LRP5: variants seen among roughly 807,000 people sequenced by gnomAD.
The protein encoded by LRP5 is low-density lipoprotein receptor-related protein 5.
Under a neutral mutation model 154.1 loss-of-function variants are expected in LRP5, and 62 were observed. The ratio of observed to expected loss-of-function variants is 0.40; its 90% CI spans 0.33 to 0.50. The LOEUF is 0.50. Among genes scored for constraint, LRP5 ranks in the 20% least tolerant of loss-of-function variants. The pLI is 0.55. For missense variants in LRP5, 1,915 were observed against 2,336.7 expected (o/e 0.82, Z 3.72); for synonymous variants, 966 against 1,011.5 (o/e 0.96, Z 0.85).
chr11:68,336,124 CCA>C (rs1178557878), intron 1 of LRP5, among the ~76,000 whole-genome samples: 1 of 152,184 alleles, frequency 6.6e-6, no homozygotes, highest in Non-Finnish European at 1.5e-5. Context: ...ATACCATTCT[CCA>C]CCCAAAGGAG....
chr11:68,321,185 T>C (rs2098596569), intron 1 of LRP5, among the ~76,000 whole-genome samples: 1 of 151,726 alleles, frequency 6.6e-6, no homozygotes, highest in Admixed American at 6.6e-5. Flanking sequence ...CTCTTTTATG[T>C]GTAGTGTCCA....
chr11:68,441,330 G>A (rs1216292235), intron 21 of LRP5, among the ~76,000 whole-genome samples: 2 of 151,998 alleles, frequency 1.3e-5, no homozygotes, highest in Non-Finnish European at 2.9e-5. Context: ...CTCCTGCCTC[G>A]GCCTCCCCAG....
At chr11:68,348,877 G>C (rs1203839687) in intron 2 of LRP5, among the ~76,000 whole-genome samples, 1 of 151,766 alleles carries the variant, frequency 6.6e-6, no homozygotes, top group African/African-American at 2.4e-5. Flanking sequence ...CTGGGAGATC[G>C]AGGCTGCAGT....
intron 13 of LRP5, among the ~76,000 whole-genome samples, chr11:68,417,481 A>ATTT (rs2098663241): frequency 3.0e-4 from 1 of 3,344 alleles, no homozygotes; most frequent in Non-Finnish European, 7.6e-4. Flanking sequence ...TTTTTTTTTG[A>ATTT]GATGGAGTCT....
intron 7 of LRP5, among the ~76,000 whole-genome samples, chr11:68,401,136 G>A (rs937521332): frequency 6.6e-6 from 1 of 152,134 alleles, no homozygotes; most frequent in Non-Finnish European, 1.5e-5. Flanking sequence ...CCAGGGCTGG[G>A]TCCCTCCCTG....
At chr11:68,325,708 G>GC (rs1376576573) in intron 1 of LRP5, among the ~76,000 whole-genome samples, 1 of 152,174 alleles carries the variant, frequency 6.6e-6, no homozygotes, top group Non-Finnish European at 1.5e-5. Flanking sequence ...GCCCATGCAG[G>GC]CCCCCCTCAC....
chr11:68,362,358 G>A (rs939438052), intron 3 of LRP5, among the ~76,000 whole-genome samples: 13 of 152,296 alleles, frequency 8.5e-5, no homozygotes, highest in African/African-American at 2.6e-4. Flanking sequence ...ACCGCCTTGC[G>A]AATGCACTAG....
intron 1 of LRP5, among the ~76,000 whole-genome samples, chr11:68,330,087 T>G (rs933753032): frequency 6.6e-6 from 1 of 152,204 alleles, no homozygotes; most frequent in African/African-American, 2.4e-5. Flanking sequence ...GCTGGTCACA[T>G]TCCACAGTTG....
chr11:68,413,658 G>A lies in LRP5; in HGVS notation c.2504-31G>A. On this transcript the variant is annotated intron_variant, in intron 11 of 22. Coordinates refer to ENST00000294304, the MANE Select transcript of LRP5 (RefSeq NM_002335.4). This position sits in a 1 kb window ranked among gnomAD's most constrained non-coding sequence, Gnocchi z 5.1. ...TGCTCTGTGGCCTGGCTGTGCCTTT[G>A]CTGACACCGTGCCCGTGTGTGTTCA... is the stretch of plus-strand genomic sequence containing the variant. 1 of 1,602,780 alleles carries A rather than the reference G, an allele frequency of 6.2e-7. No individual in the cohort carries two copies. The highest frequency in any genetic ancestry group is 8.5e-7 in the Non-Finnish European group (1 of 1,170,566).
chr11:68,413,832 C>T lies in LRP5; in HGVS notation c.2647C>T (p.Gln883Ter). 1.9e-6 allele frequency: 3 copies of T among 1,613,788 alleles called. No individual in the cohort carries two copies. Among genetic ancestry groups the T allele is most frequent in the Non-Finnish European group, 2.5e-6 (3 of 1,180,028 alleles). ...KTSGRNRTLIQGHLDFVMDIL... is the reference protein window; with the variant it reads ...KTSGRNRTLI ...TAGCGGCCGGAACCGCACCCTCATCCAGGGCCACCTGGACTTCGTGATGGA... is the reference window on the plus strand; with the variant it reads ...TAGCGGCCGGAACCGCACCCTCATCTAGGGCCACCTGGACTTCGTGATGGA... The change falls in exon 12 of 23, where the codon CAG becomes TAG. Residue 883 changes from glutamine to a stop codon, truncating the protein, a stop_gained. Coordinates refer to ENST00000294304, the MANE Select transcript of LRP5 (RefSeq NM_002335.4). LOFTEE classifies it high-confidence loss of function. This position sits in a 1 kb window ranked among gnomAD's most constrained non-coding sequence, Gnocchi z 5.1.
intron 4 of LRP5, among the ~76,000 whole-genome samples, chr11:68,364,588 G>T (rs1451377717): frequency 6.6e-6 from 1 of 152,108 alleles, no homozygotes; most frequent in Non-Finnish European, 1.5e-5. Flanking sequence ...TGGGGGCCAC[G>T]CTGGGTTGTG....
At chr11:68,372,938 TCA>T (rs2098635111) in intron 5 of LRP5, among the ~76,000 whole-genome samples, 1 of 151,846 alleles carries the variant, frequency 6.6e-6, no homozygotes, top group African/African-American at 2.4e-5. Context: ...TCAGAATCAC[TCA>T]GACTCTTAAG....
intron 2 of LRP5, among the ~76,000 whole-genome samples, chr11:68,350,381 A>G (rs314761): frequency 0.47 from 71,100 of 152,144 alleles, 18,672 homozygotes; most frequent in African/African-American, 0.69. Flanking sequence ...GTGGGCGGCC[A>G]TGCATCCAGG....
intron 21 of LRP5, among the ~76,000 whole-genome samples, chr11:68,444,016 T>G (rs1292503426): frequency 6.6e-6 from 1 of 152,116 alleles, no homozygotes; most frequent in Non-Finnish European, 1.5e-5. Context: ...CTTTAATTCT[T>G]CTGGGATGTA....
the LRP5 span, among the ~76,000 whole-genome samples, chr11:68,307,382 A>G: frequency 6.6e-6 from 1 of 152,224 alleles, no homozygotes; most frequent in East Asian, 1.9e-4. Flanking sequence ...TGGTAGGATT[A>G]TAGGCCGGGG....
chr11:68,416,276 T>C (rs2098662490), intron 12 of LRP5, 52 bp from the exon 13 acceptor site: 2 of 1,527,826 alleles, frequency 1.3e-6, no homozygotes, highest in South Asian at 1.1e-5. Flanking sequence ...GTCCTCCAGC[T>C]CCTCTGTGGC....
chr11:68,396,011 G>A (rs2098649142), intron 7 of LRP5, among the ~76,000 whole-genome samples: 1 of 152,122 alleles, frequency 6.6e-6, no homozygotes, highest in Non-Finnish European at 1.5e-5. Context: ...AGGGTCTTGG[G>A]CCTGCAGGCT....
intron 5 of LRP5, among the ~76,000 whole-genome samples, chr11:68,379,887 G>A (rs1372714425): frequency 1.3e-5 from 2 of 152,220 alleles, no homozygotes; most frequent in African/African-American, 2.4e-5. Flanking sequence ...ATCCCAGCAC[G>A]TTGGGAGGCA....
chr11:68,383,773 G>A lies in LRP5; in HGVS notation c.1016-2543G>A, dbSNP rs369241286. Reference sequence around the variant, plus strand: ...GGGGCGGCCATCCACTGGGGTGTGGGGAGGAACAGCTTTCCTGAGGAGGAG... The same window carrying A: ...GGGGCGGCCATCCACTGGGGTGTGGAGAGGAACAGCTTTCCTGAGGAGGAG... On this transcript the variant is annotated intron_variant, in intron 5 of 22. Transcript: ENST00000294304. Among the ~76,000 whole-genome samples the A allele has an allele frequency of 8.5e-5, 13 of 152,320 alleles. No homozygotes were observed. The East Asian group carries it at 2.1e-3, about 25-fold the overall frequency.
Sources: gnomAD v4.1 joint callset for allele counts (sites outside exome capture counted in the v4.1 genomes callset) on GRCh38, gnomAD v4.1.1 for gene constraint, Gnocchi (gnomAD v3.1) non-coding constraint, MANE v1.5 for transcripts, NCBI Gene and HGNC (gene_info 2026-07-23, HGNC 2026-07-21) for gene names.